Variants in TTLL5 observed in about 807,000 individuals in gnomAD.
The protein encoded by TTLL5 is tubulin tyrosine ligase like 5.
A neutral mutation model predicts 168.4 loss-of-function variants in TTLL5; 132 were observed. The observed-to-expected ratio is 0.78, with a 90% CI of 0.68 to 0.91. TTLL5 has a LOEUF of 0.91. TTLL5 is among the 40% of genes least tolerant of loss of function. The pLI is 0.00. For missense variants in TTLL5, 1,545 were observed against 1,581.5 expected (o/e 0.98, Z 0.39); for synonymous variants, 546 against 558.6 (o/e 0.98, Z 0.32).
At chr14:75,682,344 G>A (rs1219660885) in intron 4 of TTLL5, among the ~76,000 whole-genome samples, 1 of 152,164 alleles carries the variant, frequency 6.6e-6, no homozygotes, top group Non-Finnish European at 1.5e-5. Flanking sequence ...CTTCAGCACA[G>A]CCAGGGAAGG....
chr14:75,682,363 T>C (rs556865686), intron 4 of TTLL5, among the ~76,000 whole-genome samples: 6 of 151,692 alleles, frequency 4.0e-5, no homozygotes, highest in Middle Eastern at 3.2e-3. Context: ...GGTCCCCGAG[T>C]GAAGGTCAGA....
chr14:75,808,405 A>C (rs989045265), intron 27 of TTLL5, among the ~76,000 whole-genome samples: 1 of 152,190 alleles, frequency 6.6e-6, no homozygotes, highest in Non-Finnish European at 1.5e-5. Flanking sequence ...GGTTTATTTT[A>C]TCAGCATCCA....
At chr14:75,893,187 A>G (rs997086676) in intron 30 of TTLL5, among the ~76,000 whole-genome samples, 1 of 152,198 alleles carries the variant, frequency 6.6e-6, no homozygotes, top group African/African-American at 2.4e-5. Flanking sequence ...GAGTATCACA[A>G]AAAAGACCTA....
Position 75,766,079 on chromosome 14 carries a change from G to A in TTLL5, c.1726G>A (p.Glu576Lys). ...GTATTTAGTGATTACCCAACCAGCT[G>A]AAATGAATGTTAAAACTGAGACAGA... is the stretch of plus-strand genomic sequence containing the variant. ...PKYPVITQPA[E>K]MNVKTETESE... The change falls in exon 20 of 32, where the codon GAA becomes AAA. Residue 576 changes from glutamate (E) to lysine (K), a missense_variant. Coordinates refer to ENST00000298832, the MANE Select transcript of TTLL5 (RefSeq NM_015072.5). The A allele has an allele frequency of 6.2e-7, 1 of 1,611,834 alleles. No homozygotes were observed. The highest frequency in any genetic ancestry group is 2.2e-5 in the East Asian group (1 of 44,828).
In TTLL5 at chr14:75,700,985, T is replaced by A. The variant is rs10146281; in HGVS notation, c.585+1715T>A. Reference sequence around the variant, plus strand: ...AAGGAAAGTTATCTTCTTATTTGTCTCCGCTTTTAGAACTCTTTTTTGAGG... The same window carrying A: ...AAGGAAAGTTATCTTCTTATTTGTCACCGCTTTTAGAACTCTTTTTTGAGG... On this transcript the variant is annotated intron_variant, in intron 7 of 31. Coordinates refer to ENST00000298832, the MANE Select transcript of TTLL5 (RefSeq NM_015072.5). Among the ~76,000 whole-genome samples the A allele has an allele frequency of 8.9e-3, 1,357 of 151,966 alleles. 23 individuals carry two copies. The highest frequency in any genetic ancestry group is 0.032 in the African/African-American group (1,305 of 41,414).
intron 31 of TTLL5, among the ~76,000 whole-genome samples, chr14:75,927,576 G>A (rs760232): frequency 0.019 from 2,957 of 152,242 alleles, 50 homozygotes; most frequent in Admixed American, 0.036. Flanking sequence ...AGTGTGTCCT[G>A]TTCATTCGTC....
intron 9 of TTLL5, among the ~76,000 whole-genome samples, chr14:75,714,837 C>T (rs536649737): frequency 2.4e-4 from 37 of 152,232 alleles, no homozygotes; most frequent in Non-Finnish European, 4.7e-4. Flanking sequence ...GTGCTAGATA[C>T]GCTCATTGTT....
chr14:75,743,155 G>A (rs995493756), intron 15 of TTLL5, among the ~76,000 whole-genome samples: 2 of 152,186 alleles, frequency 1.3e-5, no homozygotes, highest in Non-Finnish European at 2.9e-5. Context: ...CACTTCACAT[G>A]TTGCTTACAT....
intron 31 of TTLL5, among the ~76,000 whole-genome samples, chr14:75,923,612 G>A (rs928331824): frequency 1.3e-5 from 2 of 152,144 alleles, no homozygotes; most frequent in East Asian, 1.9e-4. Context: ...CATTTGCTGA[G>A]GAGTGCTTTA....
At chr14:75,928,594 T>C (rs2034164844) in intron 31 of TTLL5, among the ~76,000 whole-genome samples, 3 of 151,920 alleles carry the variant, frequency 2.0e-5, no homozygotes, top group Middle Eastern at 6.8e-3. Context: ...CATTCTACGA[T>C]GCTTATTACA....
chr14:75,914,833 C>T (rs1015274235), intron 31 of TTLL5, among the ~76,000 whole-genome samples: 4 of 152,090 alleles, frequency 2.6e-5, no homozygotes, highest in Admixed American at 6.6e-5. Flanking sequence ...CTGTGTTAGC[C>T]AGGATGGTCT....
At chr14:75,727,441 T>G (rs1211946119) in intron 12 of TTLL5, among the ~76,000 whole-genome samples, 1 of 152,188 alleles carries the variant, frequency 6.6e-6, no homozygotes, top group Non-Finnish European at 1.5e-5. Flanking sequence ...AGAAGCCAGT[T>G]TCAAGAAACT....
intron 30 of TTLL5, among the ~76,000 whole-genome samples, chr14:75,891,318 C>CTCCTCA (rs2032391072): frequency 1.3e-5 from 2 of 152,188 alleles, no homozygotes; most frequent in African/African-American, 4.8e-5. Flanking sequence ...CCTTCGTCAC[C>CTCCTCA]TCCTCATCTG....
rs1277016375 is a variant in TTLL5, at chr14:75,735,186, C to A, written c.1187-9C>A. 5 of 1,613,884 alleles carry A rather than the reference C, an allele frequency of 3.1e-6. No homozygotes were observed. In the Admixed American group the frequency reaches 8.3e-5, roughly 27 times the overall value. On this transcript the variant is annotated splice_polypyrimidine_tract_variant and intron_variant, in intron 14 of 31. Coordinates refer to ENST00000298832, the MANE Select transcript of TTLL5 (RefSeq NM_015072.5). ...TGGCAGGTTTTAATGTTGCCCATTC[C>A]CCATTCAGGATTTGTGTGCCAAGAT...
In TTLL5 at chr14:75,766,157, G is replaced by T; in HGVS notation, c.1804G>T (p.Ala602Ser). ...ALDNEDEEQEASQEESAGFLR... is the reference protein window; with the variant it reads ...ALDNEDEEQESSQEESAGFLR... ...AGATAATGAAGATGAAGAACAGGAG[G>T]CTTCCCAGGAGGAGTCTGCAGGATT... Residue 602 changes from alanine to serine, a missense_variant, in exon 20 of 32, where the codon GCT (alanine) becomes TCT (serine). Ala to Ser is a moderately conservative substitution (Grantham distance 99, BLOSUM62 1). Transcript: ENST00000298832. The T allele has an allele frequency of 6.2e-7, 1 of 1,614,018 alleles. No homozygotes were observed. Among genetic ancestry groups the T allele is most frequent in the Non-Finnish European group, 8.5e-7 (1 of 1,179,978 alleles).
chr14:75,728,273 T>C (rs1243647699), intron 12 of TTLL5, among the ~76,000 whole-genome samples: 1 of 151,388 alleles, frequency 6.6e-6, no homozygotes, highest in Non-Finnish European at 1.5e-5. Context: ...GGAGAATTGC[T>C]TGAACCTGGG....
At chr14:75,953,772 T>C (rs1431144514) in intron 31 of TTLL5, among the ~76,000 whole-genome samples, 1 of 152,168 alleles carries the variant, frequency 6.6e-6, no homozygotes, top group African/African-American at 2.4e-5. Flanking sequence ...TCATGCACTT[T>C]AAAAATGCTG....
chr14:75,874,080 ATTTAT>A (rs1324793930), intron 29 of TTLL5, among the ~76,000 whole-genome samples: 1 of 8,364 alleles, frequency 1.2e-4, no homozygotes, highest in Non-Finnish European at 1.9e-4. Flanking sequence ...GTTATTCTTT[ATTTAT>A]TTATTTATTT....
At chr14:75,836,200 C>G (rs1895857658) in intron 28 of TTLL5, among the ~76,000 whole-genome samples, 1 of 152,110 alleles carries the variant, frequency 6.6e-6, no homozygotes, top group African/African-American at 2.4e-5. Flanking sequence ...TAGTAGAGTA[C>G]TGTTCAGTCA....
Sources: gnomAD v4.1 joint callset for allele counts (sites outside exome capture counted in the v4.1 genomes callset) on GRCh38, gnomAD v4.1.1 for gene constraint, MANE v1.5 for transcripts, NCBI Gene and HGNC (gene_info 2026-07-23, HGNC 2026-07-21) for gene names.